Variants in REEP3 observed in about 807,000 individuals in gnomAD.
REEP3 encodes the protein receptor accessory protein 3.
A neutral mutation model predicts 41.3 loss-of-function variants in REEP3; 20 were observed. The ratio of observed to expected loss-of-function variants is 0.48; its 90% CI spans 0.34 to 0.70. The LOEUF (loss-of-function observed/expected upper bound fraction) is 0.70, where lower values mean the gene tolerates loss of function less well. REEP3 is among the 30% of genes least tolerant of loss of function. The pLI, the probability that REEP3 is intolerant of heterozygous loss-of-function variation, is 0.01. For synonymous variants in REEP3, 104 were observed against 101.8 expected, an observed-to-expected ratio of 1.02 and a Z score of -0.13; for missense variants, 271 against 308.8, an observed-to-expected ratio of 0.88 and a Z score of 0.92.
intron 2 of REEP3, among the ~76,000 whole-genome samples, chr10:63,579,046 G>A (rs1382134934): frequency 1.3e-5 from 2 of 148,238 alleles, no homozygotes; most frequent in East Asian, 2.1e-4. Flanking sequence ...TTTTTTGGGG[G>A]GGGGGAGATG....
chr10:63,568,650 A>ATTTTTTTTTTTT (rs10622553), intron 2 of REEP3, among the ~76,000 whole-genome samples: 1 of 109,168 alleles, frequency 9.2e-6, no homozygotes, highest in Non-Finnish European at 1.8e-5. Flanking sequence ...ACAACCCAGA[A>ATTTTTTTTTTTT]TTTTTTTTTT....
At chr10:63,556,359 T>C (rs1196281194) in intron 1 of REEP3, among the ~76,000 whole-genome samples, 1 of 151,788 alleles carries the variant, frequency 6.6e-6, no homozygotes, top group Non-Finnish European at 1.5e-5. Context: ...TGACCTCAAA[T>C]GATCCGCCCA....
intron 2 of REEP3, among the ~76,000 whole-genome samples, chr10:63,589,312 AC>A (rs36005208): frequency 0.28 from 41,966 of 151,848 alleles, 6,124 homozygotes; most frequent in African/African-American, 0.32. Flanking sequence ...TAGTGCTGGA[AC>A]CTTCTATTTT....
intron 1 of REEP3, among the ~76,000 whole-genome samples, chr10:63,530,347 AT>A (rs962483280): frequency 6.6e-6 from 1 of 152,126 alleles, no homozygotes; most frequent in Non-Finnish European, 1.5e-5. Flanking sequence ...TTTATTTACC[AT>A]TTTTTATGAG....
intron 6 of REEP3, among the ~76,000 whole-genome samples, chr10:63,615,041 G>C (rs1252278924): frequency 6.6e-6 from 1 of 151,968 alleles, no homozygotes; most frequent in Non-Finnish European, 1.5e-5. Flanking sequence ...AACAATGTCA[G>C]TCTATACTTA....
chr10:63,579,040 T>TG lies in REEP3; in HGVS notation c.105+12630_105+12631insG, dbSNP rs1371029466. ...TATATTCTTCACTATGTGTTTTTTT[T>TG]TGGGGGGGGGGAGATGGAGTCTCTC... On this transcript the variant is annotated intron_variant, in intron 2 of 7. Transcript: ENST00000373758. Among the ~76,000 whole-genome samples the TG allele has an allele frequency of 1.3e-4, 15 of 114,868 alleles. No individual in the cohort carries two copies. In the South Asian group the frequency reaches 2.0e-3, roughly 15 times the overall value. The allele number at this position is 114,868 out of a possible 152,430, so 75.4% of individuals were successfully genotyped here.
chr10:63,527,373 C>T (rs931238171), intron 1 of REEP3, among the ~76,000 whole-genome samples: 1 of 151,968 alleles, frequency 6.6e-6, no homozygotes, highest in African/African-American at 2.4e-5. Context: ...GCAAAAATTC[C>T]TCAGAAGAAT....
intron 2 of REEP3, among the ~76,000 whole-genome samples, chr10:63,585,877 G>A (rs1475318849): frequency 6.6e-6 from 1 of 152,046 alleles, no homozygotes; most frequent in East Asian, 1.9e-4. Context: ...CCTGGGTATT[G>A]TTCTCAATTT....
At chr10:63,557,643 T>C (rs1203706472) in intron 1 of REEP3, among the ~76,000 whole-genome samples, 1 of 152,222 alleles carries the variant, frequency 6.6e-6, no homozygotes, top group Non-Finnish European at 1.5e-5. Flanking sequence ...TAGAGCTGCA[T>C]TTTGTGCTTA....
intron 2 of REEP3, among the ~76,000 whole-genome samples, chr10:63,582,331 C>T (rs1199002536): frequency 6.6e-6 from 1 of 152,130 alleles, no homozygotes; most frequent in Admixed American, 6.6e-5. Flanking sequence ...TCTGTCTGCC[C>T]TCTCTCTGCA....
At chr10:63,580,499 A>T (rs550425171) in intron 2 of REEP3, among the ~76,000 whole-genome samples, 1 of 152,206 alleles carries the variant, frequency 6.6e-6, no homozygotes, top group Non-Finnish European at 1.5e-5. Flanking sequence ...TCTGTAAGAA[A>T]TGTAGCATGA....
intron 2 of REEP3, among the ~76,000 whole-genome samples, chr10:63,579,041 T>G (rs865866984): frequency 5.1e-4 from 70 of 137,004 alleles, no homozygotes; most frequent in South Asian, 1.7e-3. Flanking sequence ...TGTTTTTTTT[T>G]GGGGGGGGGG....
chr10:63,567,068 T>C (rs1374769622), intron 2 of REEP3, among the ~76,000 whole-genome samples: 1 of 152,216 alleles, frequency 6.6e-6, no homozygotes, highest in Non-Finnish European at 1.5e-5. Context: ...CTATAAATCC[T>C]GATATAGTTT....
intron 5 of REEP3, among the ~76,000 whole-genome samples, chr10:63,602,077 G>A (rs1356788568): frequency 2.0e-5 from 3 of 151,946 alleles, no homozygotes; most frequent in African/African-American, 7.3e-5. Flanking sequence ...TACATTGGCG[G>A]CAATGTAAAG....
At chr10:63,570,642 G>A (rs985604915) in intron 2 of REEP3, among the ~76,000 whole-genome samples, 1 of 152,182 alleles carries the variant, frequency 6.6e-6, no homozygotes, top group Non-Finnish European at 1.5e-5. Flanking sequence ...GAAGGTAAAA[G>A]GCAGGTGGCT....
intron 6 of REEP3, among the ~76,000 whole-genome samples, chr10:63,617,423 A>G (rs1312998638): frequency 2.0e-5 from 3 of 152,032 alleles, no homozygotes; most frequent in Non-Finnish European, 2.9e-5. Context: ...AATTTTTTTA[A>G]TATGTATATT....
chr10:63,580,621 G>A (rs750042606), intron 2 of REEP3, among the ~76,000 whole-genome samples: 1 of 151,828 alleles, frequency 6.6e-6, no homozygotes, highest in African/African-American at 2.4e-5. Context: ...TAAGGTATAG[G>A]GTAAGATAGA....
intron 1 of REEP3, among the ~76,000 whole-genome samples, chr10:63,522,027 T>A (rs1418967794): frequency 6.6e-6 from 1 of 151,958 alleles, no homozygotes; most frequent in East Asian, 1.9e-4. Context: ...TCCGCGATCC[T>A]CCCGAGGATG....
At chr10:63,564,937 G>A (rs1191298630) in intron 1 of REEP3, among the ~76,000 whole-genome samples, 3 of 152,288 alleles carry the variant, frequency 2.0e-5, no homozygotes, top group South Asian at 2.1e-4. Flanking sequence ...GTAAAGGAAC[G>A]TCAATGTGTG....
Sources: allele counts gnomAD v4.1 joint callset (sites outside exome capture counted in the v4.1 genomes callset), GRCh38; gene constraint gnomAD v4.1.1; transcripts MANE v1.5; gene names NCBI Gene and HGNC (gene_info 2026-07-23, HGNC 2026-07-21).